Variants in SEL1L observed in about 807,000 individuals in gnomAD.
The protein encoded by SEL1L is protein sel-1 homolog 1.
Under a neutral mutation model 109.8 loss-of-function variants are expected in SEL1L, and 52 were observed. The observed-to-expected ratio is 0.47, with a 90% confidence interval of 0.38 to 0.60. SEL1L has a LOEUF of 0.60. Among genes scored for constraint, SEL1L ranks in the 20% least tolerant of loss-of-function variants. The pLI is 0.00. For missense variants in SEL1L, 749 were observed against 962.2 expected (o/e 0.78, Z 2.93); for synonymous variants, 373 against 339.6 (o/e 1.10, Z -1.08).
chr14:81,489,216 G>C (rs748909197), intron 14 of SEL1L, 36 bp downstream of exon 14: 1 of 1,572,256 alleles, frequency 6.4e-7, no homozygotes, highest in South Asian at 1.1e-5. Context: ...CCAGCTGACT[G>C]CTCATTAAAG....
In SEL1L at chr14:81,490,369, C is replaced by A. The variant is rs1289170301; in HGVS notation, c.1332+19G>T. On this transcript the variant is annotated intron_variant, in intron 13 of 20. Transcript: ENST00000336735. ...TAGTAATATGGTACACATTTCAGTA[C>A]ACTGAGACAAAGCCTTACCATGTCA... The A allele has an allele frequency of 6.3e-7, 1 of 1,581,628 alleles. No individual in the cohort carries two copies. Among genetic ancestry groups the A allele is most frequent in the Admixed American group, 1.7e-5 (1 of 59,802 alleles).
rs1883589116 is a variant in SEL1L at position 81,492,610 on chromosome 14, C to T, written c.1186-62G>A. 1.3e-5 allele frequency: 14 copies of T among 1,092,950 alleles called. No individual in the cohort carries two copies. In the South Asian group the frequency reaches 2.1e-4, roughly 16 times the overall value. The allele number at this position is 1,092,950 out of a possible 1,614,324, so 67.7% of individuals were successfully genotyped here. On this transcript the variant is annotated intron_variant, in intron 11 of 20. Coordinates refer to ENST00000336735, the MANE Select transcript of SEL1L (RefSeq NM_005065.6). ...AACAGAATCTGCTTTTGACTTTCAG[C>T]CAAAATAATTATTTCAGGAACATTT...
intron 3 of SEL1L, among the ~76,000 whole-genome samples, chr14:81,511,867 T>C (rs1006221680): frequency 1.8e-4 from 27 of 152,182 alleles, no homozygotes; most frequent in African/African-American, 6.3e-4. Flanking sequence ...TAAGGATGTG[T>C]TTACTGCAGA....
rs1429958333 is a variant in SEL1L at position 81,474,865 on chromosome 14, T to A, written c.*2107A>T. On this transcript the variant is annotated 3_prime_UTR_variant, in exon 21 of 21. Transcript: ENST00000336735. ...TGTGTTTTTATATGAACAACAAGAC[T>A]GCACTTTCCCATCCAGCCTTAGGTG... 1 of 152,212 alleles carries A rather than the reference T, an allele frequency of 6.6e-6. No individual in the cohort carries two copies. Among genetic ancestry groups the A allele is most frequent in the African/African-American group, 2.4e-5 (1 of 41,458 alleles). The allele number at this position is 152,212 out of a possible 1,614,324, so 9.4% of individuals were successfully genotyped here. A position where few individuals can be genotyped will look rare whatever the true frequency, so the allele number is the denominator to read the frequency against.
chr14:81,507,176 A>C (rs1328701300), intron 3 of SEL1L, among the ~76,000 whole-genome samples: 1 of 152,222 alleles, frequency 6.6e-6, no homozygotes, highest in Non-Finnish European at 1.5e-5. Flanking sequence ...TGTCTTAAGG[A>C]GTTTGAACTT....
At chr14:81,516,041 C>G (rs909155118) in intron 3 of SEL1L, among the ~76,000 whole-genome samples, 7 of 152,120 alleles carry the variant, frequency 4.6e-5, no homozygotes, top group African/African-American at 1.7e-4. Flanking sequence ...AAAAATTGTC[C>G]AGTGAGAAAC....
chr14:81,486,741 C>T (rs1202378003), intron 16 of SEL1L, among the ~76,000 whole-genome samples: 1 of 151,864 alleles, frequency 6.6e-6, no homozygotes, highest in Non-Finnish European at 1.5e-5. Context: ...TATTACCATT[C>T]TTAATCTTCC....
intron 12 of SEL1L, among the ~76,000 whole-genome samples, chr14:81,492,100 G>A (rs1212253657): frequency 2.0e-5 from 3 of 151,498 alleles, no homozygotes; most frequent in Non-Finnish European, 4.4e-5. Context: ...TCGACTTACT[G>A]TAAGCCTCAG....
At position 81,474,159 on chromosome 14, in the gene SEL1L, G is replaced by C. The variant is rs998705630; in HGVS notation, c.*2813C>G. On this transcript the variant is annotated 3_prime_UTR_variant, in exon 21 of 21. Transcript: ENST00000336735. ...TACATTTTGAAAAGAAGTCATCTTT[G>C]ATTTACTTTTTCTTTGCCATTGACT... 6.7e-6 allele frequency: 1 copy of C among 149,926 alleles called. No homozygotes were observed. Among genetic ancestry groups the C allele is most frequent in the South Asian group, 2.2e-4 (1 of 4,644 alleles). The allele number at this position is 149,926 out of a possible 1,614,324, so 9.3% of individuals were successfully genotyped here. A position where few individuals can be genotyped will look rare whatever the true frequency, so the allele number is the denominator to read the frequency against.
chr14:81,515,253 C>T (rs1884654691), intron 3 of SEL1L, among the ~76,000 whole-genome samples: 1 of 152,208 alleles, frequency 6.6e-6, no homozygotes, highest in African/African-American at 2.4e-5. Context: ...TGATTTAAAG[C>T]AGATCAAGGC....
intron 3 of SEL1L, among the ~76,000 whole-genome samples, chr14:81,507,560 T>C (rs1258524187): frequency 6.8e-6 from 1 of 147,202 alleles, no homozygotes; most frequent in Non-Finnish European, 1.5e-5. Flanking sequence ...AGGTGGCTAT[T>C]AAAAAAACAA....
intron 10 of SEL1L, among the ~76,000 whole-genome samples, chr14:81,497,639 G>A (rs754374586): frequency 2.0e-5 from 3 of 152,052 alleles, no homozygotes; most frequent in Non-Finnish European, 4.4e-5. Context: ...GGCAGTACAC[G>A]GGAGAGTCAC....
In SEL1L at chr14:81,517,636, G is replaced by A. The variant is rs569569798; in HGVS notation, c.340+9097C>T. ...TAGGAGGCTGAGTAAACTGCAGTAG[G>A]GAGAAAAAAGAAAAAGAAGAATATT... On this transcript the variant is annotated intron_variant, in intron 3 of 20. Transcript: ENST00000336735. Among the ~76,000 whole-genome samples, 32 of 151,880 alleles carry A rather than the reference G, an allele frequency of 2.1e-4. No homozygotes were observed. In the South Asian group the frequency reaches 6.4e-3, roughly 31 times the overall value.
intron 3 of SEL1L, among the ~76,000 whole-genome samples, chr14:81,514,688 G>A (rs1056667634): frequency 6.6e-6 from 1 of 152,122 alleles, no homozygotes; most frequent in Admixed American, 6.5e-5. Context: ...CTTGGGCAGG[G>A]AGAGAAACAA....
chr14:81,533,706 C>G lies in SEL1L; in HGVS notation c.39G>C (p.Ala13=). ...VRIGLTLLLC[A]VLLSLASASS... is the part of the protein sequence containing the mutation. ...ACGCCGAGGCCAAGCTCAGCAGCAC[C>G]GCACACAGCAGCAGCGTCAGCCCTA... Residue 13 remains alanine (A), a synonymous_variant, in exon 1 of 21, where the codon GCG becomes GCC. Transcript: ENST00000336735. The G allele has an allele frequency of 1.2e-6, 2 of 1,613,548 alleles. No homozygotes were observed. The highest frequency in any genetic ancestry group is 4.5e-5 in the East Asian group (2 of 44,844).
intron 19 of SEL1L, among the ~76,000 whole-genome samples, chr14:81,480,968 C>A (rs959488440): frequency 6.6e-6 from 1 of 150,646 alleles, no homozygotes; most frequent in African/African-American, 2.4e-5. Context: ...AGAGATCTAC[C>A]CCACTCTTTC....
intron 3 of SEL1L, 74 bp from the exon 4 acceptor site, chr14:81,506,315 T>C: frequency 7.5e-7 from 1 of 1,329,156 alleles, no homozygotes; most frequent in South Asian, 1.6e-5. Flanking sequence ...GCCATCAATT[T>C]TGGCTGTTGG....
intron 3 of SEL1L, among the ~76,000 whole-genome samples, chr14:81,510,475 TC>T (rs1884419943): frequency 1.4e-5 from 1 of 71,164 alleles, no homozygotes; most frequent in African/African-American, 1.1e-4. Flanking sequence ...AATGCTGATC[TC>T]TCTCTCTCTC....
chr14:81,498,037 T>C lies in SEL1L; in HGVS notation c.983A>G (p.Asp328Gly), dbSNP rs753326472. The C allele has an allele frequency of 3.7e-6, 6 of 1,612,428 alleles. No individual in the cohort carries two copies. Among genetic ancestry groups the C allele is most frequent in the Non-Finnish European group, 5.1e-6 (6 of 1,179,534 alleles). The change falls in exon 10 of 21, where the codon GAT (aspartate) becomes GGT (glycine). Residue 328 changes from aspartate to glycine, a missense_variant. By Grantham distance (94) the Asp-to-Gly change is moderately conservative. Around this residue, in one of 2 missense-constraint regions of SEL1L, gnomAD observed 366 missense variants for 399.8 expected, o/e 0.92. Coordinates refer to ENST00000336735, the MANE Select transcript of SEL1L (RefSeq NM_005065.6). ...YRLVANHVAS[D>G]ISLTGGSVVQ... ...TACTGAGCCTCCTGTTAGCGAGATA[T>C]CACTAGCAACTGAAATAGAGGGATA...
Sources: allele counts gnomAD v4.1 joint callset (sites outside exome capture counted in the v4.1 genomes callset), GRCh38; gene constraint gnomAD v4.1.1; regional missense constraint gnomAD v4.1.1; transcripts MANE v1.5; gene names NCBI Gene and HGNC (gene_info 2026-07-23, HGNC 2026-07-21).